DTNB: variants seen among roughly 807,000 people sequenced by gnomAD.
DTNB encodes DTN-B.
In DTNB, 63 loss-of-function variants were observed where a neutral mutation model predicts 90.7. The observed-to-expected ratio is 0.69, with a 90% CI of 0.57 to 0.86. The LOEUF (loss-of-function observed/expected upper bound fraction) is 0.86. Ranked by LOEUF, DTNB falls within the 40% of genes least tolerant of loss-of-function variation. DTNB has a pLI of 0.00. For missense variants in DTNB, 744 were observed against 807.1 expected (o/e 0.92, Z 0.95); for synonymous variants, 277 against 286.7 (o/e 0.97, Z 0.34).
At chr2:25,624,767 T>C (rs1481327896) in intron 4 of DTNB, among the ~76,000 whole-genome samples, 1 of 152,220 alleles carries the variant, frequency 6.6e-6, no homozygotes, top group African/African-American at 2.4e-5. Flanking sequence ...CGTTATTATA[T>C]TGGTTAAAGC....
intron 16 of DTNB, among the ~76,000 whole-genome samples, chr2:25,389,422 G>A (rs964198136): frequency 1.1e-4 from 16 of 152,258 alleles, no homozygotes; most frequent in Admixed American, 2.6e-4. Context: ...CCGCGGGGAC[G>A]AGGTGAGAAA....
intron 1 of DTNB, among the ~76,000 whole-genome samples, chr2:25,655,212 T>C (rs2081831809): frequency 6.6e-6 from 1 of 152,206 alleles, no homozygotes; most frequent in South Asian, 2.1e-4. Context: ...ACAAGATTCT[T>C]CTGAACCTTC....
chr2:25,520,587 T>C (rs1447450822), intron 9 of DTNB, among the ~76,000 whole-genome samples: 1 of 152,244 alleles, frequency 6.6e-6, no homozygotes, highest in African/African-American at 2.4e-5. Context: ...ATTCCTGGTC[T>C]GGTGAATTCT....
At chr2:25,537,499 A>C (rs1425875894) in intron 8 of DTNB, among the ~76,000 whole-genome samples, 1 of 152,234 alleles carries the variant, frequency 6.6e-6, no homozygotes, top group Admixed American at 6.5e-5. Flanking sequence ...AAAGACTGAA[A>C]TAAAGACATG....
intron 6 of DTNB, among the ~76,000 whole-genome samples, chr2:25,587,204 C>A (rs554491446): frequency 6.6e-6 from 1 of 151,990 alleles, no homozygotes; most frequent in Non-Finnish European, 1.5e-5. Context: ...AGGAGTGAGT[C>A]GAGTTTTTTA....
chr2:25,432,203 GCGTACA>G (rs1165266538), intron 14 of DTNB, among the ~76,000 whole-genome samples: 7 of 100,692 alleles, frequency 7.0e-5, no homozygotes, highest in East Asian at 7.4e-4. Flanking sequence ...ACAGAAGAGT[GCGTACA>G]CACACACACA....
chr2:25,381,182 G>GGCATGT (rs759424836), intron 19 of DTNB, among the ~76,000 whole-genome samples: 28 of 152,122 alleles, frequency 1.8e-4, no homozygotes, highest in African/African-American at 2.9e-4. Context: ...GGATTTGGTT[G>GGCATGT]GCATGTGCAT....
At chr2:25,558,141 T>G in intron 8 of DTNB, 1 of 946,932 alleles carries the variant, frequency 1.1e-6, no homozygotes, top group Non-Finnish European at 1.3e-6. Flanking sequence ...AACATGCACA[T>G]TTCATAGCTA....
intron 12 of DTNB, among the ~76,000 whole-genome samples, chr2:25,441,126 T>G (rs1016054890): frequency 6.6e-6 from 1 of 152,200 alleles, no homozygotes; most frequent in Non-Finnish European, 1.5e-5. Context: ...AAACCACCTG[T>G]GTAACAACCC....
At chr2:25,467,942 A>G (rs1033620200) in intron 10 of DTNB, among the ~76,000 whole-genome samples, 1 of 152,086 alleles carries the variant, frequency 6.6e-6, no homozygotes, top group African/African-American at 2.4e-5. Context: ...AAGTATACAC[A>G]TGGTATACAC....
intron 8 of DTNB, among the ~76,000 whole-genome samples, chr2:25,539,558 T>C (rs140437750): frequency 2.0e-5 from 3 of 151,642 alleles, no homozygotes; most frequent in Non-Finnish European, 4.4e-5. Context: ...GTCTTTGTCA[T>C]AGGGTTGCAC....
intron 9 of DTNB, among the ~76,000 whole-genome samples, chr2:25,510,621 C>A (rs2073732404): frequency 6.6e-6 from 1 of 152,038 alleles, no homozygotes; most frequent in African/African-American, 2.4e-5. Context: ...AATTCTCCTG[C>A]CTCAGCCTCC....
chr2:25,652,904 A>G, intron 1 of DTNB: 1 of 356,712 alleles, frequency 2.8e-6, no homozygotes, highest in Non-Finnish European at 5.0e-6. Flanking sequence ...TTACTGTGCT[A>G]AAAATATGGG....
chr2:25,653,913 C>G (rs1340929519), intron 1 of DTNB, among the ~76,000 whole-genome samples: 1 of 152,118 alleles, frequency 6.6e-6, no homozygotes, highest in African/African-American at 2.4e-5. Flanking sequence ...CCCAATGTGC[C>G]TTTTACTCCC....
At chr2:25,607,394 T>G (rs943688152) in intron 4 of DTNB, 73 bp from the exon 5 acceptor site, 1 of 1,405,026 alleles carries the variant, frequency 7.1e-7, no homozygotes, top group Non-Finnish European at 9.8e-7. Context: ...CACTAAATAC[T>G]GAGCAACCCA....
rs537268146 is a variant in DTNB, at chr2:25,387,849, G to A, written c.1735+353C>T. 1.3e-5 allele frequency among the ~76,000 whole-genome samples: 2 copies of A among 152,192 alleles called. No individual in the cohort carries two copies. Among genetic ancestry groups the A allele is most frequent in the Non-Finnish European group, 2.9e-5 (2 of 68,038 alleles). On this transcript the variant is annotated intron_variant, in intron 17 of 20. Transcript: ENST00000406818. This position sits in a 1 kb window ranked among gnomAD's most constrained non-coding sequence, Gnocchi z 4.5. The stretch of plus-strand genomic sequence containing the variant: ...GGCGTGCATACTGTGCTTTCAGCAC[G>A]GTCCCAGTTACAGTGCCTGTTACAG...
At position 25,662,711 on chromosome 2, in the gene DTNB, A is replaced by G. The variant is rs118092830; in HGVS notation, c.-1-10050T>C. Among the ~76,000 whole-genome samples the G allele has an allele frequency of 1.7e-3, 212 of 125,614 alleles. 4 individuals are homozygous for G. The East Asian group carries it at 0.042, about 25-fold the overall frequency. The allele number at this position is 125,614 out of a possible 152,430, so 82.4% of individuals were successfully genotyped here. A position where few individuals can be genotyped will look rare whatever the true frequency, so the allele number is the denominator to read the frequency against. ...ACACACACACACACACACACACAGCAAAAGTATAAAGAAGTATATGGAAAT... is the reference window on the plus strand; with the variant it reads ...ACACACACACACACACACACACAGCGAAAGTATAAAGAAGTATATGGAAAT... On this transcript the variant is annotated intron_variant, in intron 1 of 20. Coordinates refer to ENST00000406818, the MANE Select transcript of DTNB (RefSeq NM_021907.5).
intron 4 of DTNB, among the ~76,000 whole-genome samples, chr2:25,620,109 G>A (rs908318510): frequency 2.1e-4 from 32 of 152,164 alleles, no homozygotes; most frequent in African/African-American, 7.5e-4. Flanking sequence ...AGAACAAAAG[G>A]AGACTGGGTA....
intron 6 of DTNB, among the ~76,000 whole-genome samples, chr2:25,591,850 C>G (rs1347600541): frequency 6.6e-6 from 1 of 151,994 alleles, no homozygotes; most frequent in Non-Finnish European, 1.5e-5. Context: ...CACCTGAGAT[C>G]AGGAGGTCGA....
Sources: allele counts gnomAD v4.1 joint callset (sites outside exome capture counted in the v4.1 genomes callset), GRCh38; gene constraint gnomAD v4.1.1; non-coding constraint Gnocchi (gnomAD v3.1); transcripts MANE v1.5; gene names NCBI Gene and HGNC (gene_info 2026-07-23, HGNC 2026-07-21).